PDE2A: variants seen among roughly 807,000 people sequenced by gnomAD.
PDE2A encodes phosphodiesterase 2A.
In PDE2A, 53 loss-of-function variants were observed where a neutral mutation model predicts 133.6. The observed-to-expected ratio is 0.40, with a 90% CI of 0.32 to 0.50. The LOEUF (loss-of-function observed/expected upper bound fraction) is 0.50, where lower values mean the gene tolerates loss of function less well. PDE2A is among the 20% of genes least tolerant of loss of function. The probability of loss-of-function intolerance (pLI) is 0.73; values close to 1 mark genes in which losing one functional copy is unlikely to be tolerated. For synonymous variants in PDE2A, 491 were observed against 490.2 expected, an observed-to-expected ratio of 1.00 and a Z score of -0.02; for missense variants, 796 against 1,232.4, an observed-to-expected ratio of 0.65 and a Z score of 5.30.
At chr11:72,584,835 A>T (rs1855890878) in intron 17 of PDE2A, 37 bp downstream of exon 17, 1 of 1,609,660 alleles carries the variant, frequency 6.2e-7, no homozygotes, top group African/African-American at 1.3e-5. Flanking sequence ...ACTCCCGGAC[A>T]CCCCTAGGGC....
chr11:72,605,055 G>A, intron 4 of PDE2A, 83 bp downstream of exon 4: 1 of 855,950 alleles, frequency 1.2e-6, no homozygotes, highest in South Asian at 1.8e-5. Flanking sequence ...GGGAGGGTCA[G>A]ACCAGATGAC....
chr11:72,609,583 C>T (rs1857113031), intron 2 of PDE2A, among the ~76,000 whole-genome samples: 2 of 152,166 alleles, frequency 1.3e-5, no homozygotes, highest in Admixed American at 6.5e-5. Flanking sequence ...CTTGCAGAGC[C>T]GGAACGGAGA....
chr11:72,651,778 C>G (rs184762514), intron 1 of PDE2A, among the ~76,000 whole-genome samples: 3 of 152,334 alleles, frequency 2.0e-5, no homozygotes, highest in African/African-American at 7.2e-5. Context: ...ATCTTTAACC[C>G]TTTCCTGGCT....
chr11:72,619,894 C>G (rs986420631), intron 2 of PDE2A, among the ~76,000 whole-genome samples: 1 of 152,126 alleles, frequency 6.6e-6, no homozygotes, highest in Non-Finnish European at 1.5e-5. Flanking sequence ...GGTCTCTTCC[C>G]CCAGAGCTGC....
chr11:72,592,026 C>A (rs1201367184), intron 6 of PDE2A, among the ~76,000 whole-genome samples: 1 of 152,294 alleles, frequency 6.6e-6, no homozygotes, highest in East Asian at 1.9e-4. Flanking sequence ...ACACCTTCCC[C>A]CCTCTAGATC....
intron 1 of PDE2A, among the ~76,000 whole-genome samples, chr11:72,656,137 G>A (rs1854892660): frequency 6.6e-6 from 1 of 152,200 alleles, no homozygotes; most frequent in African/African-American, 2.4e-5. Flanking sequence ...ACAGTGGGGT[G>A]CGAGAGGCGA....
At chr11:72,653,446 G>C (rs865797248) in intron 1 of PDE2A, among the ~76,000 whole-genome samples, 1 of 152,324 alleles carries the variant, frequency 6.6e-6, no homozygotes, top group Middle Eastern at 3.4e-3. Flanking sequence ...GAGGCAGGGG[G>C]GTCCTGATTC....
rs1448513295 is a variant in PDE2A at position 72,590,594 on chromosome 11, A to G, written c.550-14T>C. The stretch of plus-strand genomic sequence containing the variant: ...GGCGACCAGGGTCTGGGGCAGGCCG[A>G]GCGGTTAGCGCGCCGCTCGCCCCAA... On this transcript the variant is annotated splice_polypyrimidine_tract_variant and intron_variant, in intron 7 of 30. Transcript: ENST00000334456. This position sits in a 1 kb window ranked among gnomAD's most constrained non-coding sequence, Gnocchi z 4.8. The G allele has an allele frequency of 2.2e-6, 3 of 1,355,672 alleles. No individual in the cohort carries two copies. In the African/African-American group the frequency reaches 4.6e-5, roughly 21 times the overall value. 84.0% of individuals were successfully genotyped at this position (1,355,672 alleles called of 1,614,324 possible). A position where few individuals can be genotyped will look rare whatever the true frequency, so the allele number is the denominator to read the frequency against.
chr11:72,595,088 G>C (rs78938567), intron 6 of PDE2A, among the ~76,000 whole-genome samples: 2 of 151,966 alleles, frequency 1.3e-5, no homozygotes, highest in Non-Finnish European at 2.9e-5. Flanking sequence ...GGCCCAGCCT[G>C]AGCCAAGGTG....
chr11:72,625,271 G>A (rs1858001314), intron 2 of PDE2A, among the ~76,000 whole-genome samples: 1 of 152,230 alleles, frequency 6.6e-6, no homozygotes, highest in African/African-American at 2.4e-5. Flanking sequence ...TGTCTGCACT[G>A]GTGCTGGCTC....
rs1182575911 is a variant in PDE2A, at chr11:72,605,194, C to T, written c.267G>A (p.Glu89=). ...ETVYTYLLDG[E]SQLVCEDPPH... ...GGGGGTCCTCACACACCAGCTGGGA[C>T]TCACCATCCAGTAGGTAGGTGTAGA... The change falls in exon 4 of 31, where the codon GAG becomes GAA. Residue 89 remains glutamate, a synonymous_variant. Transcript: ENST00000334456. The T allele has an allele frequency of 6.2e-7, 1 of 1,611,194 alleles. No homozygotes were observed. The highest frequency in any genetic ancestry group is 1.7e-5 in the Admixed American group (1 of 59,778).
intron 11 of PDE2A, 98 bp from the exon 12 acceptor site, chr11:72,589,338 C>G: frequency 8.0e-6 from 7 of 876,384 alleles, no homozygotes; most frequent in Non-Finnish European, 1.3e-5. Context: ...TCAAAGAACC[C>G]TTCAGTCAGT....
intron 1 of PDE2A, among the ~76,000 whole-genome samples, chr11:72,650,576 C>G (rs955338758): frequency 1.3e-5 from 2 of 152,324 alleles, no homozygotes; most frequent in Non-Finnish European, 1.5e-5. Context: ...CCCCAATCTC[C>G]TCCCCTTAGT....
chr11:72,585,254 A>G, intron 16 of PDE2A, 117 bp downstream of exon 16: 2 of 850,072 alleles, frequency 2.4e-6, no homozygotes, highest in Non-Finnish European at 3.9e-6. Flanking sequence ...GATCCCTCAA[A>G]AGGTGATGAA....
chr11:72,658,178 C>A, intron 1 of PDE2A: 1 of 453,686 alleles, frequency 2.2e-6, no homozygotes, highest in Non-Finnish European at 4.4e-6. Flanking sequence ...CCCACCCCGA[C>A]TTATCGCTGC....
At chr11:72,601,392 T>G (rs1161705159) in intron 4 of PDE2A, among the ~76,000 whole-genome samples, 1 of 129,580 alleles carries the variant, frequency 7.7e-6, no homozygotes, top group Non-Finnish European at 1.6e-5. Context: ...TTGCCCTCCT[T>G]CCCCCAGCAT....
At chr11:72,631,156 G>T in intron 2 of PDE2A, 3 of 1,537,454 alleles carry the variant, frequency 2.0e-6, no homozygotes, top group East Asian at 2.5e-5. Context: ...AGACAAGAAG[G>T]TCAGGGGCTG....
At chr11:72,604,363 C>A (rs1856881414) in intron 4 of PDE2A, among the ~76,000 whole-genome samples, 2 of 152,206 alleles carry the variant, frequency 1.3e-5, no homozygotes, top group African/African-American at 4.8e-5. Context: ...TGATATCCAC[C>A]CATCTGGAAG....
At chr11:72,635,533 C>T (rs1382421791) in intron 2 of PDE2A, among the ~76,000 whole-genome samples, 3 of 152,176 alleles carry the variant, frequency 2.0e-5, no homozygotes, top group East Asian at 1.9e-4. Flanking sequence ...CACACAACCA[C>T]GCATCCACAC....
Sources: gnomAD v4.1 joint callset for allele counts (sites outside exome capture counted in the v4.1 genomes callset) on GRCh38, gnomAD v4.1.1 for gene constraint, Gnocchi (gnomAD v3.1) non-coding constraint, MANE v1.5 for transcripts, NCBI Gene and HGNC (gene_info 2026-07-23, HGNC 2026-07-21) for gene names.